The following NXPH1 variants were observed in gnomAD, a reference collection of about 807,000 sequenced individuals.
NXPH1 encodes the protein neurexophilin-1.
Under a neutral mutation model 23.7 loss-of-function variants are expected in NXPH1, and 5 were observed. The observed-to-expected ratio is 0.21, with a 90% CI of 0.11 to 0.44. The LOEUF (loss-of-function observed/expected upper bound fraction) is 0.44. NXPH1 is among the 20% of genes least tolerant of loss of function. The pLI is 0.99. For missense variants in NXPH1, 324 were observed against 321.6 expected (o/e 1.01, Z -0.06); for synonymous variants, 144 against 122.2 (o/e 1.18, Z -1.18).
Position 8,515,219 on chromosome 7 carries a change from A to T in NXPH1, c.54+79452A>T, listed in dbSNP as rs1449607179. ...ATTGTAAGTGAGGCAAGAAGTCTGC[A>T]TTTCTGGGCAGATGTGTGTCTAGGT... On this transcript the variant is annotated intron_variant, in intron 2 of 2. Coordinates refer to ENST00000405863, the MANE Select transcript of NXPH1 (RefSeq NM_152745.3). Among the ~76,000 whole-genome samples the T allele has an allele frequency of 2.0e-5, 3 of 152,088 alleles. No homozygotes were observed. In the South Asian group the frequency reaches 6.2e-4, roughly 32 times the overall value.
intron 2 of NXPH1, among the ~76,000 whole-genome samples, chr7:8,449,954 C>A (rs1816476133): frequency 6.6e-6 from 1 of 152,184 alleles, no homozygotes; most frequent in Admixed American, 6.5e-5. Flanking sequence ...GCAGCTTCTG[C>A]TCGTGGCATG....
chr7:8,677,056 G>A (rs1185310970), intron 2 of NXPH1, among the ~76,000 whole-genome samples: 2 of 152,190 alleles, frequency 1.3e-5, no homozygotes, highest in African/African-American at 2.4e-5. Flanking sequence ...CAGGTTGAAT[G>A]TAGCCATCTG....
intron 2 of NXPH1, among the ~76,000 whole-genome samples, chr7:8,679,162 T>G (rs1466503282): frequency 1.3e-5 from 2 of 151,920 alleles, no homozygotes; most frequent in Non-Finnish European, 2.9e-5. Flanking sequence ...TTAGCCAGGA[T>G]GGTCTCAATC....
intron 2 of NXPH1, among the ~76,000 whole-genome samples, chr7:8,746,523 C>A (rs1486406471): frequency 6.6e-6 from 1 of 152,164 alleles, no homozygotes; most frequent in African/African-American, 2.4e-5. Flanking sequence ...AGTTCAATCA[C>A]TTACTTTATT....
chr7:8,732,234 C>T (rs1367561686), intron 2 of NXPH1, among the ~76,000 whole-genome samples: 1 of 152,184 alleles, frequency 6.6e-6, no homozygotes, highest in African/African-American at 2.4e-5. Context: ...GACTTGCGCC[C>T]AGTGTCTGGC....
intron 2 of NXPH1, among the ~76,000 whole-genome samples, chr7:8,498,330 C>T (rs1377335191): frequency 1.3e-5 from 2 of 152,026 alleles, no homozygotes; most frequent in African/African-American, 4.8e-5. Context: ...AAAATCAGTG[C>T]TGAATGCTTT....
intron 2 of NXPH1, among the ~76,000 whole-genome samples, chr7:8,494,615 C>T (rs1817305825): frequency 2.0e-5 from 3 of 151,972 alleles, no homozygotes; most frequent in Admixed American, 2.0e-4. Flanking sequence ...TTTTCCCTAC[C>T]TCCAAATACC....
At chr7:8,560,892 G>T (rs1818432460) in intron 2 of NXPH1, among the ~76,000 whole-genome samples, 3 of 151,692 alleles carry the variant, frequency 2.0e-5, no homozygotes, top group African/African-American at 7.2e-5. Flanking sequence ...TCCACACATT[G>T]TTATTCATAA....
chr7:8,586,917 A>G (rs1374288635), intron 2 of NXPH1, among the ~76,000 whole-genome samples: 1 of 152,130 alleles, frequency 6.6e-6, no homozygotes, highest in Non-Finnish European at 1.5e-5. Context: ...TAGAGAAAAG[A>G]CTATTGTTGA....
chr7:8,458,870 C>G (rs977164886), intron 2 of NXPH1, among the ~76,000 whole-genome samples: 1 of 152,106 alleles, frequency 6.6e-6, no homozygotes, highest in Non-Finnish European at 1.5e-5. Context: ...TAGAAGGAAT[C>G]ACTTTACACA....
chr7:8,584,401 AAAATAAAGCTTT>A (rs775864171), intron 2 of NXPH1, among the ~76,000 whole-genome samples: 3 of 152,228 alleles, frequency 2.0e-5, no homozygotes, highest in Non-Finnish European at 4.4e-5. Flanking sequence ...CCTCAACAAG[AAAATAAAGCTTT>A]AGTTTATTTA....
At chr7:8,591,971 C>G (rs144448161) in intron 2 of NXPH1, among the ~76,000 whole-genome samples, 126 of 151,692 alleles carry the variant, frequency 8.3e-4, no homozygotes, top group African/African-American at 2.8e-3. Flanking sequence ...TCATTATCAT[C>G]TTTCAGTCTT....
rs554645898 is a variant in NXPH1 at position 8,505,403 on chromosome 7, C to G, written c.54+69636C>G. 5.3e-5 allele frequency among the ~76,000 whole-genome samples: 8 copies of G among 152,108 alleles called. No individual in the cohort carries two copies. The East Asian group carries it at 1.6e-3, about 30-fold the overall frequency. On this transcript the variant is annotated intron_variant, in intron 2 of 2. Transcript: ENST00000405863. ...GCTCTATAATTTGCCCCAGAGTAGC[C>G]TGACTGGCCAATATAGTCATTTGTG...
chr7:8,460,568 A>G (rs1051553162), intron 2 of NXPH1, among the ~76,000 whole-genome samples: 11 of 152,184 alleles, frequency 7.2e-5, no homozygotes, highest in African/African-American at 2.2e-4. Flanking sequence ...TTTGGATTCA[A>G]TGAGAAGGCT....
chr7:8,681,195 A>T (rs1821043871), intron 2 of NXPH1, among the ~76,000 whole-genome samples: 1 of 152,228 alleles, frequency 6.6e-6, no homozygotes, highest in African/African-American at 2.4e-5. Flanking sequence ...ATAATAATAA[A>T]AATCCATCCC....
At chr7:8,524,591 CT>C (rs1311512949) in intron 2 of NXPH1, among the ~76,000 whole-genome samples, 1 of 152,184 alleles carries the variant, frequency 6.6e-6, no homozygotes, top group Non-Finnish European at 1.5e-5. Flanking sequence ...TGGTTTAGCT[CT>C]GTCTCCACCC....
chr7:8,672,221 G>C lies in NXPH1; in HGVS notation c.55-78787G>C, dbSNP rs372246624. On this transcript the variant is annotated intron_variant, in intron 2 of 2. Transcript: ENST00000405863. The stretch of plus-strand genomic sequence containing the variant: ...AAACCATCATTCTCAGCAAACTATC[G>C]CAAGGACAAAAAACCAAACACCGCA... 5.7e-3 allele frequency among the ~76,000 whole-genome samples: 864 copies of C among 152,088 alleles called. 8 individuals are homozygous for C. Among genetic ancestry groups the C allele is most frequent in the African/African-American group, 0.02 (825 of 41,500 alleles).
At chr7:8,647,572 C>G (rs116415245) in intron 2 of NXPH1, among the ~76,000 whole-genome samples, 5 of 151,714 alleles carry the variant, frequency 3.3e-5, no homozygotes, top group Non-Finnish European at 7.4e-5. Context: ...AATTGTTTTT[C>G]TTGAAATTCT....
At chr7:8,666,000 T>G (rs1223496702) in intron 2 of NXPH1, among the ~76,000 whole-genome samples, 4 of 148,026 alleles carry the variant, frequency 2.7e-5, no homozygotes, top group Non-Finnish European at 6.0e-5. Context: ...CAATTTAGCA[T>G]TTAATTTCCA....
Sources: gnomAD v4.1 joint callset for allele counts (sites outside exome capture counted in the v4.1 genomes callset) on GRCh38, gnomAD v4.1.1 for gene constraint, MANE v1.5 for transcripts, NCBI Gene and HGNC (gene_info 2026-07-23, HGNC 2026-07-21) for gene names.